The following CTXND1 variants were observed in gnomAD, a reference collection of about 807,000 sequenced individuals.
CTXND1 encodes the protein cortexin domain containing 1, also known as cortexin domain-containing 1 protein.
chr15:80,226,165 T>C (rs529246608), intron 1 of CTXND1, among the ~76,000 whole-genome samples: 2 of 152,304 alleles, frequency 1.3e-5, no homozygotes, highest in South Asian at 2.1e-4. Context: ...AAGTCCCCAA[T>C]TGTCCAGTTG....
At chr15:80,233,755 G>A (rs1015616684) in intron 1 of CTXND1, among the ~76,000 whole-genome samples, 1 of 152,184 alleles carries the variant, frequency 6.6e-6, no homozygotes, top group Admixed American at 6.5e-5. Flanking sequence ...GCTGTCTCGC[G>A]GAGTGATTAA....
chr15:80,249,633 C>T (rs898977270), intron 1 of CTXND1, among the ~76,000 whole-genome samples: 6 of 152,208 alleles, frequency 3.9e-5, no homozygotes, highest in African/African-American at 1.4e-4. Flanking sequence ...TGCTTAAGGT[C>T]ATCTGACTTA....
intron 1 of CTXND1, among the ~76,000 whole-genome samples, chr15:80,220,885 A>G (rs1020103775): frequency 6.7e-6 from 1 of 149,320 alleles, no homozygotes; most frequent in Non-Finnish European, 1.5e-5. Context: ...GAGCTCTATT[A>G]TTAATTAATT....
intron 1 of CTXND1, among the ~76,000 whole-genome samples, chr15:80,235,482 C>T (rs1471131593): frequency 6.6e-6 from 1 of 152,172 alleles, no homozygotes; most frequent in Non-Finnish European, 1.5e-5. Context: ...TTTGCATAAC[C>T]TAGTTGTGGG....
In CTXND1 at chr15:80,199,002, A is replaced by G. The variant is rs548228868; in HGVS notation, c.*2768T>C. On this transcript the variant is annotated 3_prime_UTR_variant, in exon 3 of 3. Coordinates refer to ENST00000560778, the MANE Select transcript of CTXND1 (RefSeq NM_001352888.2). ...TGAAAAAAAATCTTGCATGAGGACA[A>G]TGATTAGAAGGGAATATATGGACAC... is the stretch of plus-strand genomic sequence containing the variant. The G allele has an allele frequency of 2.0e-5, 3 of 152,214 alleles. No individual in the cohort carries two copies. The highest frequency in any genetic ancestry group is 2.0e-4 in the Admixed American group (3 of 15,282). 9.4% of individuals were successfully genotyped at this position (152,214 alleles called of 1,614,324 possible).
intron 1 of CTXND1, among the ~76,000 whole-genome samples, chr15:80,203,947 A>T (rs575520808): frequency 6.6e-6 from 1 of 151,166 alleles, no homozygotes; most frequent in Admixed American, 6.6e-5. Flanking sequence ...AGGTGGGAGG[A>T]TTGCTTGAGC....
chr15:80,217,916 G>A (rs1188767824), intron 1 of CTXND1, among the ~76,000 whole-genome samples: 1 of 152,152 alleles, frequency 6.6e-6, no homozygotes. Context: ...CACCCTGTGT[G>A]ACTTGGATCT....
In CTXND1 at chr15:80,200,617, A is replaced by T. The variant is rs775405365; in HGVS notation, c.*1153T>A. ...CTCCCCTTTCTGTCCTTTCGTTCAC[A>T]TGAGGTATATGCAAAAAATAAAATT... On this transcript the variant is annotated 3_prime_UTR_variant, in exon 3 of 3. Transcript: ENST00000560778. The T allele has an allele frequency of 2.0e-5, 3 of 152,166 alleles. No homozygotes were observed. The highest frequency in any genetic ancestry group is 4.4e-5 in the Non-Finnish European group (3 of 68,040). The allele number at this position is 152,166 out of a possible 1,614,324, so 9.4% of individuals were successfully genotyped here.
chr15:80,232,117 C>G (rs1893438572), intron 1 of CTXND1, among the ~76,000 whole-genome samples: 1 of 152,074 alleles, frequency 6.6e-6, no homozygotes. Flanking sequence ...TGGTGGGTAT[C>G]TGACTGTGAC....
At chr15:80,243,581 G>A (rs1340257038) in intron 1 of CTXND1, among the ~76,000 whole-genome samples, 2 of 152,152 alleles carry the variant, frequency 1.3e-5, no homozygotes, top group African/African-American at 4.8e-5. Flanking sequence ...AACACACTAA[G>A]AGAATCCAGA....
chr15:80,220,978 T>G (rs990616502), intron 1 of CTXND1, among the ~76,000 whole-genome samples: 5 of 150,944 alleles, frequency 3.3e-5, no homozygotes, highest in South Asian at 2.1e-4. Context: ...GCGCGATCTC[T>G]GCTCACTGCA....
chr15:80,198,979 A>G lies in CTXND1; in HGVS notation c.*2791T>C, dbSNP rs1325109877. ...AATTATGTAGCAGATCATCTTTATG[A>G]AAAAAAATCTTGCATGAGGACAATG... is the stretch of plus-strand genomic sequence containing the variant. On this transcript the variant is annotated 3_prime_UTR_variant, in exon 3 of 3. Transcript: ENST00000560778. 1 of 152,158 alleles carries G rather than the reference A, an allele frequency of 6.6e-6. No individual in the cohort carries two copies. The highest frequency in any genetic ancestry group is 1.9e-4 in the East Asian group (1 of 5,198). The allele number at this position is 152,158 out of a possible 1,614,324, so 9.4% of individuals were successfully genotyped here. A position where few individuals can be genotyped will look rare whatever the true frequency, so the allele number is the denominator to read the frequency against.
chr15:80,201,859 C>T lies in CTXND1; in HGVS notation c.91G>A (p.Val31Met), dbSNP rs923099238. The change falls in exon 3 of 3, where the codon GTG becomes ATG. Residue 31 changes from valine (V) to methionine (M), a missense_variant. By Grantham distance (21) the Val-to-Met change is conservative. Transcript: ENST00000560778. ...CFVFLCLFLVVMIIRCAKVIM... is the reference protein window; with the variant it reads ...CFVFLCLFLVMMIIRCAKVIM... ...ACCTTGGCACAGCGGATGATCATCA[C>T]GACAAGGAAGAGGCAGAGGAAGACG... 7 of 398,750 alleles carry T rather than the reference C, an allele frequency of 1.8e-5. No homozygotes were observed. The highest frequency in any genetic ancestry group is 1.0e-4 in the African/African-American group (5 of 48,628). The allele number at this position is 398,750 out of a possible 1,614,324, so 24.7% of individuals were successfully genotyped here.
intron 1 of CTXND1, among the ~76,000 whole-genome samples, chr15:80,246,131 T>C (rs949129806): frequency 1.1e-4 from 16 of 152,236 alleles, no homozygotes; most frequent in African/African-American, 2.7e-4. Context: ...TCCCAAAAAG[T>C]ACACTTAAAA....
intron 1 of CTXND1, among the ~76,000 whole-genome samples, chr15:80,251,531 G>C (rs1437224): frequency 6.6e-6 from 1 of 152,060 alleles, no homozygotes; most frequent in Non-Finnish European, 1.5e-5. Flanking sequence ...GGCACTGAAC[G>C]TGACGAGAAG....
intron 1 of CTXND1, among the ~76,000 whole-genome samples, chr15:80,208,711 G>A (rs1893175242): frequency 6.6e-6 from 1 of 152,126 alleles, no homozygotes. Context: ...AAAACCTCTA[G>A]GATTCCTTGG....
At chr15:80,202,086 C>CCT in intron 2 of CTXND1, 72 bp from the exon 3 acceptor site, 1 of 397,044 alleles carries the variant, frequency 2.5e-6, no homozygotes, top group Admixed American at 4.4e-5. Context: ...AGGGCACCAA[C>CCT]CTCTGCTCCC....
intron 1 of CTXND1, among the ~76,000 whole-genome samples, chr15:80,226,447 T>TC (rs1893372730): frequency 6.6e-6 from 1 of 152,178 alleles, no homozygotes; most frequent in Non-Finnish European, 1.5e-5. Context: ...CCCCAAGTTG[T>TC]CCCTCCCTGA....
At position 80,197,053 on chromosome 15, in the gene CTXND1, TTG is replaced by T. The variant is rs1354263662; in HGVS notation, c.*4715_*4716del. ...GGTGGCCTGCCTGTTCCTGGGTAGT[TTG>T]TTTTTGTTTTTTATTTTTAGAGACA... On this transcript the variant is annotated 3_prime_UTR_variant, in exon 3 of 3. Transcript: ENST00000560778. 2 of 151,982 alleles carry T rather than the reference TTG, an allele frequency of 1.3e-5. No homozygotes were observed. The highest frequency in any genetic ancestry group is 4.8e-5 in the African/African-American group (2 of 41,320). The allele number at this position is 151,982 out of a possible 1,614,324, so 9.4% of individuals were successfully genotyped here. A position where few individuals can be genotyped will look rare whatever the true frequency, so the allele number is the denominator to read the frequency against.
Sources: gnomAD v4.1 joint callset for allele counts (sites outside exome capture counted in the v4.1 genomes callset) on GRCh38, gnomAD v4.1.1 for gene constraint, MANE v1.5 for transcripts, NCBI Gene and HGNC (gene_info 2026-07-23, HGNC 2026-07-21) for gene names.